Variants in CCDC149 observed in about 807,000 individuals in gnomAD.
CCDC149 encodes the protein coiled-coil domain containing 149, also known as coiled-coil domain-containing protein 149.
In CCDC149, 45 loss-of-function variants were observed where a neutral mutation model predicts 59.9. The observed-to-expected ratio is 0.75, with a 90% CI of 0.59 to 0.96. The LOEUF is 0.96. Among genes scored for constraint, CCDC149 ranks in the 40% least tolerant of loss-of-function variants. The pLI, the probability that CCDC149 is intolerant of heterozygous loss-of-function variation, is 0.00. For synonymous variants in CCDC149, 245 were observed against 260.6 expected (o/e 0.94, Z 0.58); for missense variants, 584 against 664.7 (o/e 0.88, Z 1.33).
intron 1 of CCDC149, among the ~76,000 whole-genome samples, chr4:24,949,233 T>A (rs770068320): frequency 6.6e-6 from 1 of 152,168 alleles, no homozygotes; most frequent in East Asian, 1.9e-4. Context: ...AAATGTGGCA[T>A]CTCTTTCCTG....
chr4:24,937,001 T>C (rs1163613182), intron 1 of CCDC149, among the ~76,000 whole-genome samples: 1 of 152,220 alleles, frequency 6.6e-6, no homozygotes, highest in Non-Finnish European at 1.5e-5. Context: ...GCCGTGCCCA[T>C]GGCTGAAGAA....
At chr4:24,849,261 AG>A (rs1717506836) in intron 4 of CCDC149, among the ~76,000 whole-genome samples, 1 of 152,106 alleles carries the variant, frequency 6.6e-6, no homozygotes, top group African/African-American at 2.4e-5. Context: ...CAACGTGCAA[AG>A]CTTTTCGAGG....
At chr4:24,910,239 T>C (rs1225147189) in intron 1 of CCDC149, among the ~76,000 whole-genome samples, 7 of 152,202 alleles carry the variant, frequency 4.6e-5, no homozygotes. Flanking sequence ...ATCTCCGTCT[T>C]CCCATAGCCT....
intron 1 of CCDC149, among the ~76,000 whole-genome samples, chr4:24,960,292 A>G (rs1056800492): frequency 6.6e-6 from 1 of 152,176 alleles, no homozygotes; most frequent in African/African-American, 2.4e-5. Flanking sequence ...ACAATTGTTA[A>G]TTGTTAGCTA....
Position 24,973,471 on chromosome 4 carries a change from T to G in CCDC149, c.-65+6598A>C, listed in dbSNP as rs577236299. Among the ~76,000 whole-genome samples the G allele has an allele frequency of 1.5e-4, 23 of 152,304 alleles. No homozygotes were observed. In the South Asian group the frequency reaches 4.4e-3, roughly 29 times the overall value. On this transcript the variant is annotated intron_variant, in intron 1 of 12. Coordinates refer to the CCDC149 transcript ENST00000389609. ...TCAACTGTACCTCAATAAAGTGCAT[T>G]TAAAAAAAGTCTGGAGAAAAAGAAG...
At chr4:24,845,665 A>T (rs967238849) in intron 4 of CCDC149, among the ~76,000 whole-genome samples, 1 of 152,210 alleles carries the variant, frequency 6.6e-6, no homozygotes, top group Non-Finnish European at 1.5e-5. Context: ...GCAGGGACTC[A>T]TTGATATTGT....
At chr4:24,950,827 T>C (rs1390658314) in intron 1 of CCDC149, among the ~76,000 whole-genome samples, 1 of 152,234 alleles carries the variant, frequency 6.6e-6, no homozygotes, top group African/African-American at 2.4e-5. Context: ...GTCTGGGGCC[T>C]GTGTAGCCAC....
At position 24,837,420 on chromosome 4, in the gene CCDC149, C is replaced by A. The variant is rs369672838; in HGVS notation, c.490-20G>T. ...CTCAATCTAAAACCACAGGGAGAGC[C>A]CTTACTCAAGATGTTCCTCAGGCTC... On this transcript the variant is annotated intron_variant, in intron 5 of 12. Transcript: ENST00000635206. This position sits in a 1 kb window ranked among gnomAD's most constrained non-coding sequence, Gnocchi z 4.3. The A allele has an allele frequency of 6.2e-7, 1 of 1,612,670 alleles. No individual in the cohort carries two copies. Among genetic ancestry groups the A allele is most frequent in the Non-Finnish European group, 8.5e-7 (1 of 1,179,158 alleles).
intron 8 of CCDC149, among the ~76,000 whole-genome samples, chr4:24,834,676 C>T (rs1716378203): frequency 6.6e-6 from 1 of 152,166 alleles, no homozygotes; most frequent in Non-Finnish European, 1.5e-5. Flanking sequence ...GTCCCTAATC[C>T]AGCGTCAGTA....
At position 24,837,923 on chromosome 4, in the gene CCDC149, CTTG is replaced by C. The variant is rs1716645686; in HGVS notation, c.489+230_489+232del. ...TCTATCCTGGCTAGGAGGAACGTTT[CTTG>C]TTGTGTTCAGAACAATGGTACCCAA... On this transcript the variant is annotated intron_variant, in intron 5 of 12. Coordinates refer to ENST00000635206, the MANE Select transcript of CCDC149 (RefSeq NM_001330643.2). This position sits in a 1 kb window ranked among gnomAD's most constrained non-coding sequence, Gnocchi z 4.3. Among the ~76,000 whole-genome samples the C allele has an allele frequency of 6.6e-6, 1 of 152,192 alleles. No individual in the cohort carries two copies. Among genetic ancestry groups the C allele is most frequent in the Non-Finnish European group, 1.5e-5 (1 of 68,038 alleles).
At chr4:24,840,437 A>G (rs1156758591) in intron 4 of CCDC149, among the ~76,000 whole-genome samples, 1 of 152,210 alleles carries the variant, frequency 6.6e-6, no homozygotes. Context: ...CAAAATCAAT[A>G]TTTGCAGTGC....
At chr4:24,909,863 C>T (rs2109323834) in intron 1 of CCDC149, among the ~76,000 whole-genome samples, 1 of 152,332 alleles carries the variant, frequency 6.6e-6, no homozygotes, top group African/African-American at 2.4e-5. Flanking sequence ...CTCCTCCTTG[C>T]CTTCCAGCAT....
intron 1 of CCDC149, among the ~76,000 whole-genome samples, chr4:24,936,161 A>T (rs1422856469): frequency 1.3e-5 from 2 of 152,172 alleles, no homozygotes; most frequent in East Asian, 3.9e-4. Context: ...GAGAAAGTAG[A>T]GGCAGCTAAT....
chr4:24,913,516 T>C (rs140324907), upstream of CCDC149, among the ~76,000 whole-genome samples: 8 of 152,408 alleles, frequency 5.2e-5, no homozygotes, highest in African/African-American at 1.9e-4. Flanking sequence ...TGCTTGCTTA[T>C]ATATTTTTTA....
chr4:24,929,701 T>G (rs1428672201), intron 1 of CCDC149, among the ~76,000 whole-genome samples: 4 of 152,222 alleles, frequency 2.6e-5, no homozygotes, highest in African/African-American at 9.6e-5. Context: ...CCTCTGCTTA[T>G]GTTTTGCCTA....
intron 1 of CCDC149, among the ~76,000 whole-genome samples, chr4:24,979,015 G>A (rs1180232269): frequency 6.6e-6 from 1 of 152,164 alleles, no homozygotes; most frequent in South Asian, 2.1e-4. Context: ...TGGTTTGGGG[G>A]CACAGGAATT....
At chr4:24,912,756 G>A in intron 1 of CCDC149, 61 bp downstream of exon 1, 1 of 1,154,518 alleles carries the variant, frequency 8.7e-7, no homozygotes, top group Non-Finnish European at 1.1e-6. Flanking sequence ...TGGGGGCGCG[G>A]GCCCGGGGCT....
At chr4:24,826,751 C>T (rs57544214) in intron 9 of CCDC149, among the ~76,000 whole-genome samples, 2,122 of 152,190 alleles carry the variant, frequency 0.014, 45 homozygotes, top group African/African-American at 0.048. Context: ...ATGTGCCTGA[C>T]CCTTGAAGGA....
intron 12 of CCDC149, among the ~76,000 whole-genome samples, chr4:24,814,322 T>C (rs73101506): frequency 0.071 from 10,798 of 152,262 alleles, 1,052 homozygotes; most frequent in African/African-American, 0.21. Context: ...TATGTGTTAG[T>C]TCTTGATGCG....
Sources: gnomAD v4.1 joint callset for allele counts (sites outside exome capture counted in the v4.1 genomes callset) on GRCh38, gnomAD v4.1.1 for gene constraint, Gnocchi (gnomAD v3.1) non-coding constraint, MANE v1.5 for transcripts, NCBI Gene and HGNC (gene_info 2026-07-23, HGNC 2026-07-21) for gene names.